The following ARMC9 variants were observed in gnomAD, a reference collection of about 807,000 sequenced individuals.
The protein encoded by ARMC9 is lisH domain-containing protein ARMC9.
Under a neutral mutation model 107.0 loss-of-function variants are expected in ARMC9, and 94 were observed. That is an observed-to-expected ratio of 0.88 (90% CI 0.74 to 1.04). The LOEUF (loss-of-function observed/expected upper bound fraction) is 1.04. Ranked by LOEUF, ARMC9 falls within the 50% of genes least tolerant of loss-of-function variation. The pLI is 0.00. For missense variants in ARMC9, 942 were observed against 1,030.1 expected (o/e 0.91, Z 1.17); for synonymous variants, 380 against 396.9 (o/e 0.96, Z 0.51).
intron 20 of ARMC9, among the ~76,000 whole-genome samples, chr2:231,332,410 A>T (rs1282443519): frequency 1.3e-5 from 2 of 152,124 alleles, no homozygotes; most frequent in African/African-American, 4.8e-5. Flanking sequence ...GAAAGTGAGT[A>T]GTCACTGCGT....
chr2:231,269,991 A>G (rs990637822), intron 12 of ARMC9, among the ~76,000 whole-genome samples: 2 of 149,818 alleles, frequency 1.3e-5, no homozygotes, highest in African/African-American at 4.9e-5. Context: ...ATTGAGTGTG[A>G]TGGTGGGGCC....
intron 9 of ARMC9, among the ~76,000 whole-genome samples, chr2:231,246,870 G>A (rs1011386824): frequency 1.3e-5 from 2 of 152,004 alleles, no homozygotes; most frequent in African/African-American, 4.8e-5. Context: ...CAGGCTCACT[G>A]CAGCTTCGAC....
In ARMC9 at chr2:231,331,890, A is replaced by G; in HGVS notation, c.1871A>G (p.Tyr624Cys). Residue 624 changes from tyrosine (Y) to cysteine (C), a missense_variant, in exon 20 of 25, where the codon TAC (tyrosine) becomes TGC (cysteine). By Grantham distance (194) the Tyr-to-Cys change is radical. Coordinates refer to ENST00000611582, the MANE Select transcript of ARMC9 (RefSeq NM_001352754.2). ...LSGEKLLTTE[Y>C]LGIMTNTGKT... Reference sequence around the variant, plus strand: ...GGAGAGAAGCTTCTGACCACGGAGTACCTGGGGGTAAGTGCCACACAAAGG... The same window carrying G: ...GGAGAGAAGCTTCTGACCACGGAGTGCCTGGGGGTAAGTGCCACACAAAGG... 6.2e-7 allele frequency: 1 copy of G among 1,611,780 alleles called. No homozygotes were observed. The highest frequency in any genetic ancestry group is 8.5e-7 in the Non-Finnish European group (1 of 1,178,110).
rs1364019005 is a variant in ARMC9 at position 231,361,854 on chromosome 2, A to G, written c.2261+971A>G. 2.0e-5 allele frequency among the ~76,000 whole-genome samples: 3 copies of G among 152,132 alleles called. No individual in the cohort carries two copies. The East Asian group carries it at 5.8e-4, about 29-fold the overall frequency. On this transcript the variant is annotated intron_variant, in intron 23 of 24. Transcript: ENST00000611582. Reference sequence around the variant, plus strand: ...AGAACCTGCACCCACTGGTGGAGAAAATCGGAGAGAGAAAGAGGCAGGAAG... The same window carrying G: ...AGAACCTGCACCCACTGGTGGAGAAGATCGGAGAGAGAAAGAGGCAGGAAG...
At chr2:231,305,500 G>A (rs959148303) in intron 19 of ARMC9, among the ~76,000 whole-genome samples, 1 of 152,216 alleles carries the variant, frequency 6.6e-6, no homozygotes, top group Non-Finnish European at 1.5e-5. Flanking sequence ...GCGTAGTTCT[G>A]CAGATGAGAT....
At chr2:231,305,712 G>A (rs546787841) in intron 19 of ARMC9, among the ~76,000 whole-genome samples, 1 of 152,114 alleles carries the variant, frequency 6.6e-6, no homozygotes, top group Non-Finnish European at 1.5e-5. Context: ...TACTGGCCGT[G>A]TTTTAAAATT....
At chr2:231,294,581 A>G (rs1178176043) in intron 18 of ARMC9, 1 of 152,492 alleles carries the variant, frequency 6.6e-6, no homozygotes, top group East Asian at 1.9e-4. Flanking sequence ...GATGAGTCTG[A>G]GCCAGCAGGC....
chr2:231,339,819 CTA>C (rs2044385712), intron 20 of ARMC9, among the ~76,000 whole-genome samples: 1 of 152,200 alleles, frequency 6.6e-6, no homozygotes, highest in Non-Finnish European at 1.5e-5. Flanking sequence ...GTAATCCCAG[CTA>C]CTTGGAAGGC....
intron 7 of ARMC9, among the ~76,000 whole-genome samples, chr2:231,228,637 C>T (rs532925942): frequency 2.0e-5 from 3 of 152,196 alleles, no homozygotes; most frequent in Admixed American, 1.3e-4. Flanking sequence ...CCTAAGGCCC[C>T]CTCACCTTCA....
At chr2:231,327,085 T>C (rs145915687) in intron 19 of ARMC9, among the ~76,000 whole-genome samples, 113 of 152,226 alleles carry the variant, frequency 7.4e-4, no homozygotes, top group Admixed American at 7.0e-3. Flanking sequence ...TCTGAGTTAA[T>C]ATTTGTATTG....
At chr2:231,214,786 GT>G (rs765966295) in intron 3 of ARMC9, 44 bp from the exon 4 acceptor site, 1 of 1,591,772 alleles carries the variant, frequency 6.3e-7, no homozygotes, top group Non-Finnish European at 8.6e-7. Context: ...AATTTTGGGT[GT>G]TGAAATTTAC....
At position 231,369,980 on chromosome 2, in the gene ARMC9, G is replaced by GC. The variant is rs2045954707; in HGVS notation, c.2293dup (p.Arg765ProfsTer203). The GC allele has an allele frequency of 1.3e-6, 2 of 1,527,024 alleles. No individual in the cohort carries two copies. The highest frequency in any genetic ancestry group is 4.9e-5 in the East Asian group (2 of 40,496). The allele number at this position is 1,527,024 out of a possible 1,614,324, so 94.6% of individuals were successfully genotyped here. On this transcript the variant is annotated frameshift_variant, in exon 24 of 25. Coordinates refer to ENST00000611582, the MANE Select transcript of ARMC9 (RefSeq NM_001352754.2). LOFTEE classifies it high-confidence loss of function. ...AATGTGCATCAGCCTTCACCTGCAA[G>GC]CCCCGGGCCCCCTGCACTCCAGAGA... is the stretch of plus-strand genomic sequence containing the variant.
intron 19 of ARMC9, among the ~76,000 whole-genome samples, chr2:231,313,740 T>TA (rs1360917422): frequency 6.6e-6 from 1 of 151,878 alleles, no homozygotes. Flanking sequence ...TGCATGTGGC[T>TA]AGTGTTTTCA....
chr2:231,229,759 A>G (rs1037007984), intron 7 of ARMC9, among the ~76,000 whole-genome samples: 1 of 152,208 alleles, frequency 6.6e-6, no homozygotes, highest in Non-Finnish European at 1.5e-5. Context: ...GAAAGAGTAT[A>G]TCATTATAAA....
intron 9 of ARMC9, among the ~76,000 whole-genome samples, chr2:231,247,248 C>G (rs1012480591): frequency 9.2e-5 from 14 of 152,174 alleles, no homozygotes. Context: ...AGCCAACATG[C>G]CCAACCTTTT....
chr2:231,273,760 A>AC (rs1274265398), intron 14 of ARMC9, among the ~76,000 whole-genome samples: 1 of 152,098 alleles, frequency 6.6e-6, no homozygotes, highest in Non-Finnish European at 1.5e-5. Context: ...ATGTATTTAC[A>AC]CACCATAATA....
At chr2:231,335,737 A>C (rs2044045722) in intron 20 of ARMC9, among the ~76,000 whole-genome samples, 2 of 152,162 alleles carry the variant, frequency 1.3e-5, no homozygotes, top group Admixed American at 6.5e-5. Flanking sequence ...TCCTGCCTCT[A>C]GTATTTGTGA....
intron 19 of ARMC9, among the ~76,000 whole-genome samples, chr2:231,328,410 G>A (rs2043477748): frequency 6.6e-6 from 1 of 152,060 alleles, no homozygotes; most frequent in Non-Finnish European, 1.5e-5. Flanking sequence ...GTTTTTTGAT[G>A]AAATTCATTT....
intron 21 of ARMC9, among the ~76,000 whole-genome samples, chr2:231,352,688 T>C (rs1446848634): frequency 6.6e-6 from 1 of 151,022 alleles, no homozygotes; most frequent in African/African-American, 2.5e-5. Flanking sequence ...GATAGATAGA[T>C]AGATAGATAG....
Sources: gnomAD v4.1 joint callset for allele counts (sites outside exome capture counted in the v4.1 genomes callset) on GRCh38, gnomAD v4.1.1 for gene constraint, MANE v1.5 for transcripts, NCBI Gene and HGNC (gene_info 2026-07-23, HGNC 2026-07-21) for gene names.